The following RASSF2 variants were observed in gnomAD, a reference collection of about 807,000 sequenced individuals.
RASSF2 encodes the protein Ras association domain family member 2, also known as ras association domain-containing protein 2.
RASSF2 carries 34 observed loss-of-function variants against 46.3 expected under a neutral mutation model. That is an observed-to-expected ratio of 0.73 (90% CI 0.56 to 0.98). The LOEUF is 0.98. Ranked by LOEUF, RASSF2 falls within the 50% of genes least tolerant of loss-of-function variation. The pLI is 0.00. For missense variants in RASSF2, 364 were observed against 431.2 expected, an observed-to-expected ratio of 0.84 and a Z score of 1.38; for synonymous variants, 158 against 162.5, an observed-to-expected ratio of 0.97 and a Z score of 0.21.
At chr20:4,792,652 A>G (rs1568567113) in intron 5 of RASSF2, 25 bp from the exon 6 acceptor site, 1 of 1,611,948 alleles carries the variant, frequency 6.2e-7, no homozygotes, top group Non-Finnish European at 8.5e-7. Context: ...GACAAAGGGG[A>G]GGGGGGAGAC....
At chr20:4,806,377 C>G (rs1467220516) in intron 2 of RASSF2, among the ~76,000 whole-genome samples, 2 of 152,348 alleles carry the variant, frequency 1.3e-5, no homozygotes, top group Non-Finnish European at 2.9e-5. Context: ...CTCTCCAACA[C>G]TGGAGTCTTT....
chr20:4,819,167 T>G (rs1928534057), intron 2 of RASSF2, among the ~76,000 whole-genome samples: 2 of 152,156 alleles, frequency 1.3e-5, no homozygotes, highest in African/African-American at 4.8e-5. Flanking sequence ...TTCACCATGT[T>G]GGTCAGGCTG....
chr20:4,790,499 T>G lies in RASSF2; in HGVS notation c.489A>C (p.Arg163=), dbSNP rs1233188824. 3 of 1,518,314 alleles carry G rather than the reference T, an allele frequency of 2.0e-6. No homozygotes were observed. Among genetic ancestry groups the G allele is most frequent in the East Asian group, 2.7e-5 (1 of 37,644 alleles). 94.1% of individuals were successfully genotyped at this position (1,518,314 alleles called of 1,614,324 possible). A position where few individuals can be genotyped will look rare whatever the true frequency, so the allele number is the denominator to read the frequency against. ...TGATGGAGAAGCGGTGGCGTCTGAT[T>G]CGCCGCTGGTCACTAGGCGTCCTCA... The part of the protein sequence containing the change: ...GNVRTPSDQR[R]IRRHRFSING... The change falls in exon 7 of 12, where the codon CGA becomes CGC. Residue 163 remains arginine (R), a synonymous_variant. Transcript: ENST00000379400. This position sits in a 1 kb window ranked among gnomAD's most constrained non-coding sequence, Gnocchi z 4.3.
In RASSF2 at chr20:4,787,633, G is replaced by C. The variant is rs551169225; in HGVS notation, c.813C>G (p.Asp271Glu). 2 of 1,614,146 alleles carry C rather than the reference G, an allele frequency of 1.2e-6. No homozygotes were observed. Among genetic ancestry groups the C allele is most frequent in the Non-Finnish European group, 1.7e-6 (2 of 1,180,014 alleles). ...ATCGCCTGACCCAAAGGGAACTCAC[G>C]TCGTAGGTGACTTCCTCCACCTGGT... ...EKDQVEEVTY[D>E]VAQYIKFEMP... is the part of the protein sequence containing the mutation. Residue 271 changes from aspartate (D) to glutamate (E), a missense_variant and splice_region_variant, in exon 10 of 12, where the codon GAC becomes GAG. Physicochemically the swap from Asp to Glu is conservative, Grantham distance 45 (BLOSUM62 2). Coordinates refer to ENST00000379400, the MANE Select transcript of RASSF2 (RefSeq NM_014737.3).
At chr20:4,792,688 C>T in intron 5 of RASSF2, 61 bp from the exon 6 acceptor site, 1 of 1,567,848 alleles carries the variant, frequency 6.4e-7, no homozygotes, top group South Asian at 1.2e-5. Context: ...GGAGAGACGC[C>T]CCCGCACCCG....
intron 1 of RASSF2, among the ~76,000 whole-genome samples, 171 bp downstream of exon 1, chr20:4,823,386 C>T (rs1310614390): frequency 6.6e-6 from 1 of 152,132 alleles, no homozygotes; most frequent in East Asian, 1.9e-4. Flanking sequence ...GGCGCCGCGG[C>T]TGGGGGGCTG....
chr20:4,805,615 G>A (rs967553767), intron 2 of RASSF2, among the ~76,000 whole-genome samples: 1 of 152,158 alleles, frequency 6.6e-6, no homozygotes, highest in Non-Finnish European at 1.5e-5. Flanking sequence ...GGGCAGGGAT[G>A]TGATCTGATG....
At chr20:4,786,467 G>A (rs1424898667) in intron 10 of RASSF2, 139 bp from the exon 11 acceptor site, 1 of 799,470 alleles carries the variant, frequency 1.3e-6, no homozygotes, top group Non-Finnish European at 2.2e-6. Context: ...AAAGGCAGCA[G>A]CCAAGCCTCA....
chr20:4,816,495 G>A (rs1269183302), intron 2 of RASSF2, among the ~76,000 whole-genome samples: 5 of 152,148 alleles, frequency 3.3e-5, no homozygotes, highest in Non-Finnish European at 7.3e-5. Flanking sequence ...TGGGTACAGA[G>A]CTTCTGTTTG....
rs369101634 is a variant in RASSF2 at position 4,795,783 on chromosome 20, G to C, written c.287+32C>G. 9 of 1,590,818 alleles carry C rather than the reference G, an allele frequency of 5.7e-6. No individual in the cohort carries two copies. The African/African-American group carries it at 1.2e-4, about 22-fold the overall frequency. On this transcript the variant is annotated intron_variant, in intron 5 of 11. Transcript: ENST00000379400. The surrounding 1 kb of genome is among the most constrained non-coding windows in gnomAD (Gnocchi z 4.0). ...ACACATAGAACACCCAAGCATCCCA[G>C]TCATCTCCCTGCCCCGTCTCTCCTC... is the stretch of plus-strand genomic sequence containing the variant.
At chr20:4,800,102 A>G (rs1382480457) in intron 3 of RASSF2, among the ~76,000 whole-genome samples, 2 of 148,224 alleles carry the variant, frequency 1.3e-5, no homozygotes, top group Non-Finnish European at 3.0e-5. Context: ...ACAGAGGGAG[A>G]GTCCTTCTAA....
At position 4,814,302 on chromosome 20, in the gene RASSF2, C is replaced by T. The variant is rs377303276; in HGVS notation, c.-33+8027G>A. Among the ~76,000 whole-genome samples, 191 of 152,276 alleles carry T rather than the reference C, an allele frequency of 1.3e-3. 1 individual carries two copies. The highest frequency in any genetic ancestry group is 3.6e-3 in the African/African-American group (150 of 41,538). On this transcript the variant is annotated intron_variant, in intron 2 of 11. Coordinates refer to ENST00000379400, the MANE Select transcript of RASSF2 (RefSeq NM_014737.3). ...CAGGCAGGTAAGGAGGGGCTGCCTC[C>T]GGGTCCCCTGTTTCCTACAAGCTCA...
intron 2 of RASSF2, among the ~76,000 whole-genome samples, chr20:4,805,048 C>T (rs1282166723): frequency 1.3e-5 from 2 of 152,032 alleles, no homozygotes; most frequent in Admixed American, 6.5e-5. Flanking sequence ...ACGAGCAGAA[C>T]CCCGACCTGG....
In RASSF2 at chr20:4,797,990, C is replaced by T. The variant is rs373728775; in HGVS notation, c.135+20G>A. ...AAGCCCTGGACTAGCCAATCAGGGCCGTCCCTGGGGACTCCTTACCTCCCG... is the reference window on the plus strand; with the variant it reads ...AAGCCCTGGACTAGCCAATCAGGGCTGTCCCTGGGGACTCCTTACCTCCCG... On this transcript the variant is annotated intron_variant, in intron 4 of 11. Coordinates refer to ENST00000379400, the MANE Select transcript of RASSF2 (RefSeq NM_014737.3). 1.0e-4 allele frequency: 167 copies of T among 1,612,978 alleles called. No individual in the cohort carries two copies. Among genetic ancestry groups the T allele is most frequent in the Non-Finnish European group, 1.3e-4 (151 of 1,179,710 alleles).
chr20:4,823,367 G>T (rs1017752036), intron 1 of RASSF2, among the ~76,000 whole-genome samples, 190 bp downstream of exon 1: 5 of 152,130 alleles, frequency 3.3e-5, no homozygotes, highest in Admixed American at 2.0e-4. Context: ...CGTGGAGTTG[G>T]AAAGTGGGGG....
rs752940433 is a variant in RASSF2, at chr20:4,790,626, G to T, written c.377-15C>A. 3 of 1,513,366 alleles carry T rather than the reference G, an allele frequency of 2.0e-6. No homozygotes were observed. The highest frequency in any genetic ancestry group is 2.6e-6 in the Non-Finnish European group (3 of 1,142,900). The allele number at this position is 1,513,366 out of a possible 1,614,324, so 93.7% of individuals were successfully genotyped here. A position where few individuals can be genotyped will look rare whatever the true frequency, so the allele number is the denominator to read the frequency against. On this transcript the variant is annotated splice_polypyrimidine_tract_variant and intron_variant, in intron 6 of 11. Transcript: ENST00000379400. This position sits in a 1 kb window ranked among gnomAD's most constrained non-coding sequence, Gnocchi z 4.3. ...GCCCCTGGAGTCTGAGAGAGGAGAG[G>T]GAAATGAACTCTGTCTGTCTGGACC...
intron 5 of RASSF2, among the ~76,000 whole-genome samples, chr20:4,793,396 T>C (rs551457069): frequency 6.6e-6 from 1 of 152,350 alleles, no homozygotes; most frequent in Admixed American, 6.5e-5. Context: ...ATGGGCTCCC[T>C]GGGACCCAGT....
Position 4,792,388 on chromosome 20 carries a change from G to T in RASSF2, c.376+151C>A. ...ATGTTCTCGGGATGCTTCTAGGTGG[G>T]TGGATGAGGTGGGTGACTTAATTCT... On this transcript the variant is annotated intron_variant, in intron 6 of 11. Coordinates refer to ENST00000379400, the MANE Select transcript of RASSF2 (RefSeq NM_014737.3). The T allele has an allele frequency of 2.0e-6, 3 of 1,475,646 alleles. No individual in the cohort carries two copies. In the South Asian group the frequency reaches 3.8e-5, roughly 19 times the overall value. 91.4% of individuals were successfully genotyped at this position (1,475,646 alleles called of 1,614,324 possible). A position where few individuals can be genotyped will look rare whatever the true frequency, so the allele number is the denominator to read the frequency against.
In RASSF2 at chr20:4,786,229, A is replaced by C. The variant is rs1209330511; in HGVS notation, c.911+2T>G. The C allele has an allele frequency of 1.2e-6, 2 of 1,603,546 alleles. No homozygotes were observed. The highest frequency in any genetic ancestry group is 1.7e-6 in the Non-Finnish European group (2 of 1,170,368). ...ACCCAGTGCCCCAGAAGCCACACTT[A>C]CTTGCGCATCAGCTTCTTTACTTCC... On this transcript the variant is annotated splice_donor_variant, in intron 11 of 11. Coordinates refer to ENST00000379400, the MANE Select transcript of RASSF2 (RefSeq NM_014737.3). LOFTEE classifies it high-confidence loss of function.
Sources: allele counts gnomAD v4.1 joint callset (sites outside exome capture counted in the v4.1 genomes callset), GRCh38; gene constraint gnomAD v4.1.1; non-coding constraint Gnocchi (gnomAD v3.1); transcripts MANE v1.5; gene names NCBI Gene and HGNC (gene_info 2026-07-23, HGNC 2026-07-21).